The following PSMB7 variants were observed in gnomAD, a reference collection of about 807,000 sequenced individuals.
PSMB7 encodes proteasome subunit beta type-7.
A neutral mutation model predicts 28.1 loss-of-function variants in PSMB7; 5 were observed. The observed-to-expected ratio is 0.18, with a 90% CI of 0.09 to 0.37. PSMB7 has a LOEUF of 0.37. PSMB7 is among the 10% of genes least tolerant of loss of function. The pLI is 1.00. For synonymous variants in PSMB7, 122 were observed against 123.7 expected (o/e 0.99, Z 0.09); for missense variants, 275 against 346.2 (o/e 0.79, Z 1.63).
intron 5 of PSMB7, among the ~76,000 whole-genome samples, chr9:124,388,882 G>A (rs749670411): frequency 6.6e-6 from 1 of 152,134 alleles, no homozygotes; most frequent in African/African-American, 2.4e-5. Context: ...CCCCTCCACA[G>A]GGTTTATCAC....
At chr9:124,397,469 G>C (rs1285375087) in intron 5 of PSMB7, among the ~76,000 whole-genome samples, 1 of 152,166 alleles carries the variant, frequency 6.6e-6, no homozygotes, top group Admixed American at 6.5e-5. Context: ...TTAAAGATGC[G>C]CAAGACAAGA....
intron 7 of PSMB7, among the ~76,000 whole-genome samples, chr9:124,354,901 C>T (rs546349710): frequency 2.0e-5 from 3 of 152,310 alleles, no homozygotes; most frequent in East Asian, 1.9e-4. Context: ...TGACAGTGCC[C>T]GATTTTTGCG....
intron 6 of PSMB7, among the ~76,000 whole-genome samples, chr9:124,363,293 G>T (rs1188013254): frequency 1.3e-5 from 2 of 152,178 alleles, no homozygotes; most frequent in Admixed American, 6.5e-5. Flanking sequence ...GTTTGTTGGG[G>T]GCCTGCTGAC....
chr9:124,391,851 G>C (rs1263358474), intron 5 of PSMB7, among the ~76,000 whole-genome samples: 1 of 149,758 alleles, frequency 6.7e-6, no homozygotes, highest in Non-Finnish European at 1.5e-5. Flanking sequence ...TTCTATGTCA[G>C]AGTTCACTAA....
At chr9:124,366,534 A>G (rs939971732) in intron 6 of PSMB7, among the ~76,000 whole-genome samples, 9 of 152,252 alleles carry the variant, frequency 5.9e-5, no homozygotes, top group African/African-American at 1.9e-4. Flanking sequence ...ACAAGTAAAA[A>G]GGTTACGGTA....
chr9:124,402,012 C>T (rs1388964364), intron 5 of PSMB7, among the ~76,000 whole-genome samples: 2 of 126,164 alleles, frequency 1.6e-5, no homozygotes, highest in Admixed American at 8.5e-5. Context: ...GTGCGAGACT[C>T]AGTCTCAAAA....
At chr9:124,388,629 A>G (rs1830751198) in intron 5 of PSMB7, among the ~76,000 whole-genome samples, 1 of 152,154 alleles carries the variant, frequency 6.6e-6, no homozygotes, top group African/African-American at 2.4e-5. Flanking sequence ...CCTATATGCT[A>G]CAATACAGTT....
At chr9:124,373,085 A>AG (rs1830578197) in intron 6 of PSMB7, among the ~76,000 whole-genome samples, 1 of 152,234 alleles carries the variant, frequency 6.6e-6, no homozygotes, top group Non-Finnish European at 1.5e-5. Flanking sequence ...ACTTCTTAAA[A>AG]GGGGGACAAC....
At chr9:124,367,055 C>T (rs1201517089) in intron 6 of PSMB7, among the ~76,000 whole-genome samples, 1 of 152,144 alleles carries the variant, frequency 6.6e-6, no homozygotes, top group African/African-American at 2.4e-5. Context: ...ACAGGGAAGC[C>T]GTGGGGGAGG....
intron 7 of PSMB7, 30 bp from the exon 8 acceptor site, chr9:124,353,739 T>G: frequency 6.6e-7 from 1 of 1,518,494 alleles, no homozygotes; most frequent in Non-Finnish European, 9.1e-7. Context: ...AGCACAGAGT[T>G]AGGATTCTCC....
At position 124,374,957 on chromosome 9, in the gene PSMB7, A is replaced by G. The variant is rs541860822; in HGVS notation, c.570+9641T>C. ...GGAGTTCGAGACCAGCCTGGCCAAT[A>G]TGGCGAAACACCATCTCTACTAAAA... On this transcript the variant is annotated intron_variant, in intron 6 of 7. Coordinates refer to ENST00000259457, the MANE Select transcript of PSMB7 (RefSeq NM_002799.4). Among the ~76,000 whole-genome samples the G allele has an allele frequency of 1.8e-4, 27 of 152,212 alleles. 1 individual carries two copies. The highest frequency in any genetic ancestry group is 1.3e-3 in the Admixed American group (20 of 15,300).
rs1296088975 is a variant in PSMB7, at chr9:124,405,392, C to T, written c.436G>A (p.Val146Ile). 1 of 1,613,874 alleles carries T rather than the reference C, an allele frequency of 6.2e-7. No individual in the cohort carries two copies. Among genetic ancestry groups the T allele is most frequent in the Non-Finnish European group, 8.5e-7 (1 of 1,179,810 alleles). ...YIGAALVLGG[V>I]DVTGPHLYSI... is the part of the protein sequence containing the mutation. ...TAGAGGTGAGGTCCAGTAACATCTA[C>T]TCCCCCTAAAACTAGGGCTGCACCA... Residue 146 changes from valine (V) to isoleucine (I), a missense_variant, in exon 5 of 8, where the codon GTA (valine) becomes ATA (isoleucine). Transcript: ENST00000259457.
At chr9:124,399,594 A>AG (rs1830878516) in intron 5 of PSMB7, among the ~76,000 whole-genome samples, 1 of 152,238 alleles carries the variant, frequency 6.6e-6, no homozygotes, top group South Asian at 2.1e-4. Context: ...AAATGAGATG[A>AG]GAAAAAGGGC....
At chr9:124,409,705 GTCC>G (rs1831007765) in intron 4 of PSMB7, among the ~76,000 whole-genome samples, 1 of 152,162 alleles carries the variant, frequency 6.6e-6, no homozygotes, top group Admixed American at 6.5e-5. Flanking sequence ...CTTTATTCCT[GTCC>G]TCCTCAAAAG....
chr9:124,385,955 A>T (rs1057265950), intron 5 of PSMB7, among the ~76,000 whole-genome samples: 1 of 152,202 alleles, frequency 6.6e-6, no homozygotes, highest in Non-Finnish European at 1.5e-5. Flanking sequence ...AATCCCGATG[A>T]ATATGACAGA....
intron 7 of PSMB7, among the ~76,000 whole-genome samples, chr9:124,355,220 C>A (rs1250929092): frequency 6.6e-6 from 1 of 152,258 alleles, no homozygotes; most frequent in Non-Finnish European, 1.5e-5. Context: ...TTACTGCACA[C>A]CCACCACACG....
chr9:124,407,437 G>A (rs994882538), intron 4 of PSMB7, among the ~76,000 whole-genome samples: 2 of 152,204 alleles, frequency 1.3e-5, no homozygotes, highest in African/African-American at 4.8e-5. Context: ...GCTAGCAGCA[G>A]GGTCAGACTA....
intron 3 of PSMB7, 34 bp downstream of exon 3, chr9:124,413,874 A>T (rs1039024307): frequency 6.9e-7 from 1 of 1,441,678 alleles, no homozygotes; most frequent in Non-Finnish European, 9.7e-7. Flanking sequence ...CATGTTTGAA[A>T]ATATAAGAGT....
chr9:124,367,008 C>T (rs1296490981), intron 6 of PSMB7, among the ~76,000 whole-genome samples: 1 of 152,224 alleles, frequency 6.6e-6, no homozygotes, highest in Non-Finnish European at 1.5e-5. Flanking sequence ...TTAAGCAACA[C>T]ATAACTATAG....
Sources: allele counts gnomAD v4.1 joint callset (sites outside exome capture counted in the v4.1 genomes callset), GRCh38; gene constraint gnomAD v4.1.1; transcripts MANE v1.5; gene names NCBI Gene and HGNC (gene_info 2026-07-23, HGNC 2026-07-21).